XKR4: variants seen among roughly 807,000 people sequenced by gnomAD.
XKR4 encodes XK-related protein 4.
XKR4 carries 12 observed loss-of-function variants against 53.9 expected under a neutral mutation model. That is an observed-to-expected ratio of 0.22 (90% confidence interval 0.14 to 0.36). The LOEUF (loss-of-function observed/expected upper bound fraction) is 0.36. Among genes scored for constraint, XKR4 ranks in the 10% least tolerant of loss-of-function variants. XKR4 has a pLI of 1.00. For synonymous variants in XKR4, 354 were observed against 362.4 expected, an observed-to-expected ratio of 0.98 and a Z score of 0.26; for missense variants, 799 against 859.5, an observed-to-expected ratio of 0.93 and a Z score of 0.88.
intron 2 of XKR4, among the ~76,000 whole-genome samples, chr8:55,367,455 C>T (rs1293339545): frequency 6.6e-6 from 1 of 152,172 alleles, no homozygotes; most frequent in Non-Finnish European, 1.5e-5. Context: ...GTCTTTAATA[C>T]ATGTGCACAC....
At chr8:55,450,297 GC>G in intron 2 of XKR4, 2 of 709,412 alleles carry the variant, frequency 2.8e-6, no homozygotes, top group Non-Finnish European at 4.8e-6. Context: ...CATAGGGAGG[GC>G]CCTCGGCCAG....
intron 1 of XKR4, among the ~76,000 whole-genome samples, chr8:55,254,557 T>G (rs1027188423): frequency 6.6e-6 from 1 of 152,164 alleles, no homozygotes. Context: ...GAAAGGAATG[T>G]TCACGGTTTG....
rs142408657 is a variant in XKR4 at position 55,489,677 on chromosome 8, C to T, written c.1007-33604C>T. 3.0e-4 allele frequency among the ~76,000 whole-genome samples: 45 copies of T among 151,460 alleles called. No individual in the cohort carries two copies. In the East Asian group the frequency reaches 7.9e-3, roughly 27 times the overall value. On this transcript the variant is annotated intron_variant, in intron 2 of 2. Coordinates refer to ENST00000327381, the MANE Select transcript of XKR4 (RefSeq NM_052898.2). ...TTAATATATTTATGTTTAAGTATCTCGTAAGTAAAATGAATTATTTAAACA... is the reference window on the plus strand; with the variant it reads ...TTAATATATTTATGTTTAAGTATCTTGTAAGTAAAATGAATTATTTAAACA...
intron 1 of XKR4, among the ~76,000 whole-genome samples, chr8:55,282,130 AG>A (rs1818852458): frequency 1.3e-5 from 2 of 152,210 alleles, no homozygotes; most frequent in African/African-American, 2.4e-5. Flanking sequence ...TCAATAGAGC[AG>A]GGTATTATCC....
In XKR4 at chr8:55,414,611, C is replaced by G. The variant is rs149735501; in HGVS notation, c.1006+56734C>G. ...CAGATGTACTATATTCTATTTAAGT[C>G]CAGCCCACAACTAAGGAAAGGACAT... is the stretch of plus-strand genomic sequence containing the variant. On this transcript the variant is annotated intron_variant, in intron 2 of 2. Transcript: ENST00000327381. Among the ~76,000 whole-genome samples the G allele has an allele frequency of 2.0e-5, 3 of 151,032 alleles. No individual in the cohort carries two copies. In the East Asian group the frequency reaches 5.8e-4, roughly 29 times the overall value.
intron 2 of XKR4, among the ~76,000 whole-genome samples, chr8:55,437,817 G>A (rs1805197989): frequency 6.6e-6 from 1 of 152,152 alleles, no homozygotes. Context: ...GAAACATTGA[G>A]TGAGCTGCAA....
chr8:55,483,923 A>C (rs28603346), intron 2 of XKR4, among the ~76,000 whole-genome samples: 52,155 of 152,020 alleles, frequency 0.34, 10,832 homozygotes, highest in African/African-American at 0.6. Flanking sequence ...TGAAAAGATC[A>C]ATAAAATTGA....
At position 55,452,354 on chromosome 8, in the gene XKR4, G is replaced by T. The variant is rs1805462723; in HGVS notation, c.1007-70927G>T. The T allele has an allele frequency of 4.8e-6, 3 of 630,898 alleles. 1 individual carries two copies. In the South Asian group the frequency reaches 5.2e-5, roughly 11 times the overall value. 39.1% of individuals were successfully genotyped at this position (630,898 alleles called of 1,614,324 possible). On this transcript the variant is annotated intron_variant, in intron 2 of 2. Coordinates refer to ENST00000327381, the MANE Select transcript of XKR4 (RefSeq NM_052898.2). The stretch of plus-strand genomic sequence containing the variant: ...ACACCACCTTCTCCCCCACCAGGGG[G>T]TCTGTGAGCATCCCCGTGAAGATGA...
In XKR4 at chr8:55,125,949, G is replaced by T. The variant is rs1275026259; in HGVS notation, c.806+22655G>T. 2.0e-5 allele frequency among the ~76,000 whole-genome samples: 3 copies of T among 152,148 alleles called. No individual in the cohort carries two copies. The East Asian group carries it at 5.8e-4, about 29-fold the overall frequency. ...GTTACTACACAGGTTGTATGTCCTT[G>T]AATTGGGCCCTGTTTGTAGTCCTCA... On this transcript the variant is annotated intron_variant, in intron 1 of 2. Coordinates refer to ENST00000327381, the MANE Select transcript of XKR4 (RefSeq NM_052898.2).
intron 1 of XKR4, among the ~76,000 whole-genome samples, chr8:55,292,413 A>T (rs1334055429): frequency 1.3e-5 from 2 of 151,954 alleles, no homozygotes; most frequent in Non-Finnish European, 2.9e-5. Context: ...AGTTTGTTTC[A>T]TCTTAGTTGT....
chr8:55,221,693 G>A (rs988653349), intron 1 of XKR4, among the ~76,000 whole-genome samples: 1 of 152,198 alleles, frequency 6.6e-6, no homozygotes, highest in Non-Finnish European at 1.5e-5. Flanking sequence ...TGCAGTGATG[G>A]GGAGGGAGAC....
chr8:55,243,997 T>C (rs1170885171), intron 1 of XKR4, among the ~76,000 whole-genome samples: 1 of 152,232 alleles, frequency 6.6e-6, no homozygotes, highest in Non-Finnish European at 1.5e-5. Flanking sequence ...AGTCAGTGGC[T>C]ACTTTTGAAA....
At chr8:55,392,043 C>T (rs1039931083) in intron 2 of XKR4, among the ~76,000 whole-genome samples, 5 of 152,110 alleles carry the variant, frequency 3.3e-5, no homozygotes, top group African/African-American at 9.7e-5. Context: ...GAAGGAGTTA[C>T]AAGCATAAGA....
At chr8:55,128,259 T>A (rs1401549809) in intron 1 of XKR4, among the ~76,000 whole-genome samples, 1 of 152,186 alleles carries the variant, frequency 6.6e-6, no homozygotes, top group African/African-American at 2.4e-5. Flanking sequence ...AGGAAACCTG[T>A]TGTTTCCTGA....
At position 55,252,192 on chromosome 8, in the gene XKR4, T is replaced by A. The variant is rs143911303; in HGVS notation, c.807-105486T>A. ...TGTCCCAATGGTTTAAGAAAGAGGG[T>A]TTTTCAGGGTGGCAGCAACTGTATA... On this transcript the variant is annotated intron_variant, in intron 1 of 2. Transcript: ENST00000327381. Among the ~76,000 whole-genome samples the A allele has an allele frequency of 4.1e-3, 629 of 151,934 alleles. 9 individuals carry two copies. The highest frequency in any genetic ancestry group is 0.014 in the African/African-American group (584 of 41,436).
chr8:55,247,864 T>TCTTTCTTTCTTTCTTTC (rs1440262405), intron 1 of XKR4, among the ~76,000 whole-genome samples: 6 of 126,038 alleles, frequency 4.8e-5, no homozygotes, highest in Non-Finnish European at 7.1e-5. Flanking sequence ...TCTTTTTTTT[T>TCTTTCTTTCTTTCTTTC]TTTTTTTTTT....
At chr8:55,413,834 T>C (rs563394611) in intron 2 of XKR4, among the ~76,000 whole-genome samples, 58 of 152,286 alleles carry the variant, frequency 3.8e-4, no homozygotes, top group Non-Finnish European at 6.6e-4. Context: ...GAGGTAACCA[T>C]AACAAAGTAG....
chr8:55,112,370 GA>G (rs1816244098), intron 1 of XKR4, among the ~76,000 whole-genome samples: 2 of 151,994 alleles, frequency 1.3e-5, no homozygotes, highest in African/African-American at 4.8e-5. Context: ...AACACCACTT[GA>G]AAAAGACTTG....
intron 2 of XKR4, among the ~76,000 whole-genome samples, chr8:55,490,323 A>G (rs934488215): frequency 1.7e-4 from 26 of 152,340 alleles, no homozygotes; most frequent in South Asian, 4.1e-4. Context: ...TAAGTGAATT[A>G]CCACAGGAAC....
Sources: gnomAD v4.1 joint callset for allele counts (sites outside exome capture counted in the v4.1 genomes callset) on GRCh38, gnomAD v4.1.1 for gene constraint, MANE v1.5 for transcripts, NCBI Gene and HGNC (gene_info 2026-07-23, HGNC 2026-07-21) for gene names.